The following LSM14A variants were observed in gnomAD, a reference collection of about 807,000 sequenced individuals.
LSM14A encodes the protein LSM14A mRNA processing body assembly factor, also known as protein LSM14 homolog A.
LSM14A carries 14 observed loss-of-function variants against 52.4 expected under a neutral mutation model. The observed-to-expected ratio is 0.27, with a 90% CI of 0.18 to 0.42. LSM14A has a LOEUF of 0.42. LSM14A is among the 10% of genes least tolerant of loss of function. The pLI, the probability that LSM14A is intolerant of heterozygous loss-of-function variation, is 1.00. For missense variants in LSM14A, 417 were observed against 581.8 expected, an observed-to-expected ratio of 0.72 and a Z score of 2.91; for synonymous variants, 185 against 200.3, an observed-to-expected ratio of 0.92 and a Z score of 0.64.
chr19:34,222,073 AT>A (rs1422811373), intron 9 of LSM14A, among the ~76,000 whole-genome samples: 2 of 152,228 alleles, frequency 1.3e-5, no homozygotes, highest in Admixed American at 6.5e-5. Context: ...GTAACAAGAC[AT>A]TGTTTTAAAT....
At chr19:34,221,164 C>T (rs976332177) in intron 8 of LSM14A, among the ~76,000 whole-genome samples, 6 of 149,982 alleles carry the variant, frequency 4.0e-5, no homozygotes, top group African/African-American at 1.2e-4. Context: ...CTCACTGCAA[C>T]CTCCACCTCC....
intron 3 of LSM14A, among the ~76,000 whole-genome samples, chr19:34,198,456 A>C (rs894716352): frequency 2.0e-5 from 3 of 152,010 alleles, no homozygotes; most frequent in Non-Finnish European, 2.9e-5. Flanking sequence ...TCTACTAAAA[A>C]TACAAAATTA....
intron 1 of LSM14A, among the ~76,000 whole-genome samples, chr19:34,183,324 G>A (rs532116674): frequency 4.1e-4 from 62 of 152,172 alleles, no homozygotes; most frequent in African/African-American, 1.4e-3. Context: ...AGGCCGAGGC[G>A]GGCGGATTAC....
chr19:34,219,266 A>G, intron 6 of LSM14A, 125 bp from the exon 7 acceptor site: 1 of 527,514 alleles, frequency 1.9e-6, no homozygotes, highest in Admixed American at 3.2e-5. Context: ...ACAATAAAAT[A>G]TATAGAGAGA....
intron 3 of LSM14A, among the ~76,000 whole-genome samples, chr19:34,200,739 C>T (rs1236425557): frequency 2.0e-5 from 3 of 152,130 alleles, no homozygotes; most frequent in Non-Finnish European, 2.9e-5. Context: ...CCATAAATTT[C>T]CAAATCCAGT....
At chr19:34,214,213 C>A (rs1251595436) in intron 4 of LSM14A, among the ~76,000 whole-genome samples, 1 of 151,736 alleles carries the variant, frequency 6.6e-6, no homozygotes, top group Admixed American at 6.6e-5. Context: ...TTTTTGCTGG[C>A]CTTTTAGTTT....
intron 6 of LSM14A, among the ~76,000 whole-genome samples, chr19:34,217,508 G>GA (rs1445022000): frequency 2.1e-5 from 3 of 146,250 alleles, no homozygotes; most frequent in African/African-American, 7.6e-5. Flanking sequence ...GAAAATGATT[G>GA]AAAAATGATC....
chr19:34,212,638 A>G (rs2072253690), intron 4 of LSM14A, among the ~76,000 whole-genome samples: 1 of 152,216 alleles, frequency 6.6e-6, no homozygotes, highest in African/African-American at 2.4e-5. Flanking sequence ...TTTAAGTGTG[A>G]TAAGATTGTG....
At chr19:34,219,075 G>T (rs662292) in intron 6 of LSM14A, among the ~76,000 whole-genome samples, 52,496 of 152,020 alleles carry the variant, frequency 0.35, 9,494 homozygotes, top group African/African-American at 0.38. Flanking sequence ...TGACCTCAAG[G>T]AGCATACATT....
At chr19:34,196,002 C>A (rs2070809341) in intron 2 of LSM14A, among the ~76,000 whole-genome samples, 1 of 152,108 alleles carries the variant, frequency 6.6e-6, no homozygotes, top group African/African-American at 2.4e-5. Flanking sequence ...AGTGTATGTC[C>A]TGGTAGCCTT....
chr19:34,206,379 T>TA (rs1223064128), intron 3 of LSM14A, among the ~76,000 whole-genome samples: 6 of 147,972 alleles, frequency 4.1e-5, no homozygotes, highest in East Asian at 4.0e-4. Flanking sequence ...TCTTAAAAAG[T>TA]AAAAAAAGAC....
chr19:34,213,710 C>G (rs554191612), intron 4 of LSM14A, among the ~76,000 whole-genome samples: 1 of 152,312 alleles, frequency 6.6e-6, no homozygotes, highest in Admixed American at 6.5e-5. Flanking sequence ...TCAGTTCATG[C>G]TGTGACCAGG....
chr19:34,192,746 G>A (rs532689337), intron 1 of LSM14A, among the ~76,000 whole-genome samples: 7 of 151,460 alleles, frequency 4.6e-5, no homozygotes, highest in Non-Finnish European at 7.4e-5. Context: ...AAGCCGAAGC[G>A]GATGGATCAC....
chr19:34,220,409 C>T (rs1030870707), intron 8 of LSM14A, among the ~76,000 whole-genome samples: 2 of 152,264 alleles, frequency 1.3e-5, no homozygotes, highest in African/African-American at 4.8e-5. Context: ...TAGGTAATGT[C>T]TAAGTAGGAC....
At chr19:34,190,060 G>A (rs1255723672) in intron 1 of LSM14A, among the ~76,000 whole-genome samples, 1 of 152,176 alleles carries the variant, frequency 6.6e-6, no homozygotes, top group Non-Finnish European at 1.5e-5. Flanking sequence ...ATGAGCTAAT[G>A]TATGTGTTGT....
At chr19:34,175,120 C>T (rs2068990040) in intron 1 of LSM14A, among the ~76,000 whole-genome samples, 1 of 151,766 alleles carries the variant, frequency 6.6e-6, no homozygotes, top group Admixed American at 6.6e-5. Flanking sequence ...TGTGTCATGA[C>T]TTGATAAATA....
chr19:34,173,783 A>G (rs1260604), intron 1 of LSM14A, among the ~76,000 whole-genome samples: 53,125 of 152,048 alleles, frequency 0.35, 9,755 homozygotes, highest in African/African-American at 0.4. Flanking sequence ...GGAACTGCAT[A>G]GCATGGTTAG....
intron 3 of LSM14A, among the ~76,000 whole-genome samples, chr19:34,205,543 A>G (rs1022319361): frequency 3.4e-5 from 5 of 148,870 alleles, no homozygotes; most frequent in African/African-American, 9.9e-5. Context: ...TTAGCTGGGC[A>G]TGGTGGTGAA....
chr19:34,206,392 G>T (rs142969448), intron 3 of LSM14A, among the ~76,000 whole-genome samples: 1 of 151,906 alleles, frequency 6.6e-6, no homozygotes, highest in African/African-American at 2.4e-5. Context: ...AAAAAGACTG[G>T]GTACGGTGGC....
Sources: gnomAD v4.1 joint callset for allele counts (sites outside exome capture counted in the v4.1 genomes callset) on GRCh38, gnomAD v4.1.1 for gene constraint, MANE v1.5 for transcripts, NCBI Gene and HGNC (gene_info 2026-07-23, HGNC 2026-07-21) for gene names.